The following PRH1 variants were observed in gnomAD, a reference collection of about 807,000 sequenced individuals.
The protein encoded by PRH1 is salivary acidic proline-rich phosphoprotein 1/2.
A neutral mutation model predicts 7.9 loss-of-function variants in PRH1; 7 were observed. The ratio of observed to expected loss-of-function variants is 0.89; its 90% confidence interval spans 0.50 to 1.67. PRH1 has a LOEUF of 1.67. PRH1 is among the 40% of genes most tolerant of loss of function. The pLI is 0.00. For missense variants in PRH1, 109 were observed against 223.6 expected (o/e 0.49, Z 3.27); for synonymous variants, 45 against 80.8 (o/e 0.56, Z 2.38).
At chr12:10,960,808 T>C (rs1938204077) in intron 2 of PRH1, among the ~76,000 whole-genome samples, 1 of 152,162 alleles carries the variant, frequency 6.6e-6, no homozygotes, top group Non-Finnish European at 1.5e-5. Context: ...ACTTATAACA[T>C]AGATGGTGTT....
chr12:11,005,848 T>C (rs895334980), intron 1 of PRH1: 1 of 152,146 alleles, frequency 6.6e-6, no homozygotes, highest in African/African-American at 2.4e-5. Context: ...TAAATATGAA[T>C]TGTTTAATTA....
At chr12:10,923,480 T>C (rs1319701303) in intron 2 of PRH1, among the ~76,000 whole-genome samples, 1 of 152,224 alleles carries the variant, frequency 6.6e-6, no homozygotes, top group East Asian at 1.9e-4. Context: ...TCTTTAACTG[T>C]TACTGTTGTT....
chr12:11,023,676 ACAT>A (rs961290373), intron 1 of PRH1, among the ~76,000 whole-genome samples: 40 of 152,320 alleles, frequency 2.6e-4, no homozygotes, highest in Admixed American at 1.7e-3. Flanking sequence ...AACCATGAGG[ACAT>A]CATCTGGCTA....
At chr12:11,039,625 C>T (rs2136122170) in intron 1 of PRH1, among the ~76,000 whole-genome samples, 1 of 152,352 alleles carries the variant, frequency 6.6e-6, no homozygotes, top group Admixed American at 6.5e-5. Context: ...GGAGCTTGGG[C>T]ATAACTAGGA....
upstream of PRH1, among the ~76,000 whole-genome samples, chr12:11,051,314 A>T (rs1488774295): frequency 2.0e-5 from 3 of 152,140 alleles, no homozygotes; most frequent in African/African-American, 7.2e-5. Context: ...TAAAATCAAA[A>T]ATTTTCTAAT....
chr12:11,147,914 C>T lies in PRH1; in HGVS notation n.39+23508G>A, dbSNP rs944887127. On this transcript the variant is annotated intron_variant and non_coding_transcript_variant, in intron 1 of 1. Transcript: ENST00000541175. ...TTTCACGATATTGATTCTTCCTACC[C>T]ATGAGCATGGAATGTTCTTCCATTT... 3.0e-4 allele frequency among the ~76,000 whole-genome samples: 45 copies of T among 151,078 alleles called. 1 individual carries two copies. The highest frequency in any genetic ancestry group is 2.3e-3 in the Admixed American group (35 of 15,120).
At chr12:11,069,736 C>G (rs1943980702) in intron 1 of PRH1, among the ~76,000 whole-genome samples, 1 of 152,160 alleles carries the variant, frequency 6.6e-6, no homozygotes, top group Non-Finnish European at 1.5e-5. Context: ...AAACCAAGAG[C>G]AAAATGGAGC....
At chr12:10,983,299 A>G (rs1385763308) in intron 1 of PRH1, among the ~76,000 whole-genome samples, 1 of 152,230 alleles carries the variant, frequency 6.6e-6, no homozygotes, top group African/African-American at 2.4e-5. Context: ...AAGCACTTCT[A>G]AGCACAAGAC....
chr12:11,004,022 A>G (rs1228799547), intron 1 of PRH1, among the ~76,000 whole-genome samples: 2 of 150,428 alleles, frequency 1.3e-5, no homozygotes, highest in Non-Finnish European at 3.0e-5. Context: ...GTATTCTGAT[A>G]TGAGTGCAAA....
At chr12:11,066,210 T>C (rs530003793) in intron 1 of PRH1, among the ~76,000 whole-genome samples, 28 of 149,006 alleles carry the variant, frequency 1.9e-4, no homozygotes, top group Non-Finnish European at 3.5e-4. Context: ...TATAGTTTTG[T>C]TTATAGAACT....
chr12:11,075,259 G>A (rs1343256220), intron 1 of PRH1, among the ~76,000 whole-genome samples: 1 of 130,180 alleles, frequency 7.7e-6, no homozygotes, highest in Non-Finnish European at 1.7e-5. Context: ...TTTTAAAAGC[G>A]AAATGCCATC....
At chr12:10,916,949 A>C (rs1331712372) in intron 2 of PRH1, among the ~76,000 whole-genome samples, 1 of 152,090 alleles carries the variant, frequency 6.6e-6, no homozygotes, top group Non-Finnish European at 1.5e-5. Context: ...GGTGGTGCAC[A>C]TCTGTAGTCC....
At chr12:10,947,030 G>A (rs1415255655) in intron 2 of PRH1, among the ~76,000 whole-genome samples, 1 of 152,086 alleles carries the variant, frequency 6.6e-6, no homozygotes, top group Non-Finnish European at 1.5e-5. Flanking sequence ...CATTTGTTGA[G>A]GATTGTTTTA....
At chr12:10,991,593 T>C (rs895661698) in intron 1 of PRH1, among the ~76,000 whole-genome samples, 1 of 152,182 alleles carries the variant, frequency 6.6e-6, no homozygotes, top group Non-Finnish European at 1.5e-5. Flanking sequence ...TATATGTATA[T>C]AAATAAATAA....
At chr12:10,967,455 G>A (rs994656780) in intron 2 of PRH1, among the ~76,000 whole-genome samples, 3 of 152,152 alleles carry the variant, frequency 2.0e-5, no homozygotes, top group African/African-American at 4.8e-5. Flanking sequence ...ACATTGCAAA[G>A]AGCCTAGGTC....
chr12:11,111,644 G>A (rs1425194906), intron 1 of PRH1, among the ~76,000 whole-genome samples: 1 of 152,118 alleles, frequency 6.6e-6, no homozygotes, highest in Admixed American at 6.6e-5. Flanking sequence ...CTGGGACACA[G>A]CTAAAGCAGT....
chr12:10,926,670 C>A (rs1950127864), intron 2 of PRH1, among the ~76,000 whole-genome samples: 1 of 152,124 alleles, frequency 6.6e-6, no homozygotes, highest in African/African-American at 2.4e-5. Context: ...GGCCGAACAA[C>A]AAGCTTCTAG....
intron 1 of PRH1, among the ~76,000 whole-genome samples, chr12:11,151,683 T>C (rs1393449120): frequency 6.6e-6 from 1 of 152,214 alleles, no homozygotes; most frequent in African/African-American, 2.4e-5. Context: ...GAACTCATAA[T>C]ATGATAAGCA....
chr12:10,884,258 G>A (rs761816366), upstream of PRH1: 2 of 1,613,542 alleles, frequency 1.2e-6, no homozygotes, highest in South Asian at 1.1e-5. Flanking sequence ...TTTGTGCTGG[G>A]AGAAACGTGT....
Sources: gnomAD v4.1 joint callset for allele counts (sites outside exome capture counted in the v4.1 genomes callset) on GRCh38, gnomAD v4.1.1 for gene constraint, MANE v1.5 for transcripts, NCBI Gene and HGNC (gene_info 2026-07-23, HGNC 2026-07-21) for gene names.